The following LIMK2 variants were observed in gnomAD, a reference collection of about 807,000 sequenced individuals.
LIMK2 encodes LIM domain kinase 2.
Under a neutral mutation model 75.7 loss-of-function variants are expected in LIMK2, and 35 were observed. The observed-to-expected ratio is 0.46, with a 90% CI of 0.35 to 0.61. LIMK2 has a LOEUF of 0.61. LIMK2 is among the 20% of genes least tolerant of loss of function. The pLI is 0.00. For synonymous variants in LIMK2, 301 were observed against 319.2 expected, an observed-to-expected ratio of 0.94 and a Z score of 0.61; for missense variants, 623 against 831.0, an observed-to-expected ratio of 0.75 and a Z score of 3.08.
chr22:31,235,239 G>T (rs1352186472), intron 2 of LIMK2, among the ~76,000 whole-genome samples: 3 of 152,148 alleles, frequency 2.0e-5, no homozygotes, highest in African/African-American at 4.8e-5. Context: ...TATGATGTAA[G>T]TCAGGCTTTT....
In LIMK2 at chr22:31,259,287, G is replaced by A. The variant is rs982079126; in HGVS notation, c.362+57G>A. ...CATATAAGAGTGGCTGGCGGGGAGG[G>A]ACAGTGGCAGGGTGAGTTGGGCAGA... On this transcript the variant is annotated intron_variant, in intron 4 of 15. Transcript: ENST00000331728. 9 of 1,098,104 alleles carry A rather than the reference G, an allele frequency of 8.2e-6. No homozygotes were observed. The Middle Eastern group carries it at 1.1e-3, about 138-fold the overall frequency. The allele number at this position is 1,098,104 out of a possible 1,614,324, so 68.0% of individuals were successfully genotyped here.
chr22:31,232,264 A>AC (rs2048536060), intron 2 of LIMK2, among the ~76,000 whole-genome samples: 2 of 151,992 alleles, frequency 1.3e-5, no homozygotes, highest in African/African-American at 2.4e-5. Flanking sequence ...AAAAAAAAAA[A>AC]AAAAACAGTA....
At chr22:31,277,099 A>G in intron 15 of LIMK2, 1 of 1,613,794 alleles carries the variant, frequency 6.2e-7, no homozygotes, top group African/African-American at 1.3e-5. Context: ...GCTGGACAAG[A>G]TCCGGGCCAT....
intron 2 of LIMK2, among the ~76,000 whole-genome samples, chr22:31,244,687 G>A (rs1414232450): frequency 6.6e-6 from 1 of 152,230 alleles, no homozygotes; most frequent in Non-Finnish European, 1.5e-5. Context: ...GACAGAGAGA[G>A]TGACTTGCTA....
In LIMK2 at chr22:31,265,930, C is replaced by CT. The variant is rs1334401564; in HGVS notation, c.855-13dup. Reference sequence around the variant, plus strand: ...GAGGACTACACATCCCTACTCCCGTCTTTCCTCATCTTCAGGCGCAGTAAC... The same window carrying CT: ...GAGGACTACACATCCCTACTCCCGTCTTTTCCTCATCTTCAGGCGCAGTAAC... On this transcript the variant is annotated splice_polypyrimidine_tract_variant and intron_variant, in intron 7 of 15. Coordinates refer to ENST00000331728, the MANE Select transcript of LIMK2 (RefSeq NM_005569.4). 1 of 1,612,908 alleles carries CT rather than the reference C, an allele frequency of 6.2e-7. No individual in the cohort carries two copies.
chr22:31,245,004 A>G (rs1490258951), intron 2 of LIMK2, among the ~76,000 whole-genome samples: 4 of 152,248 alleles, frequency 2.6e-5, no homozygotes, highest in Non-Finnish European at 5.9e-5. Flanking sequence ...GTAAAGAGAA[A>G]AATCACAGCA....
At chr22:31,263,537 A>G (rs1401562449) in intron 7 of LIMK2, among the ~76,000 whole-genome samples, 1 of 152,194 alleles carries the variant, frequency 6.6e-6, no homozygotes, top group Non-Finnish European at 1.5e-5. Flanking sequence ...CATTCTTAGT[A>G]TCACTAAGAA....
intron 1 of LIMK2, chr22:31,222,992 G>A (rs1182715810): frequency 6.6e-6 from 1 of 152,210 alleles, no homozygotes; most frequent in Non-Finnish European, 1.5e-5. Flanking sequence ...GAACAGGGGT[G>A]TCATACCGAG....
chr22:31,239,047 A>G (rs1225362009), intron 2 of LIMK2, among the ~76,000 whole-genome samples: 2 of 152,234 alleles, frequency 1.3e-5, no homozygotes, highest in East Asian at 3.9e-4. Flanking sequence ...GCCCATATAG[A>G]CAAATATCAG....
chr22:31,272,530 G>A lies in LIMK2; in HGVS notation c.1384G>A (p.Asp462Asn), dbSNP rs1284199360. 1 of 1,611,462 alleles carries A rather than the reference G, an allele frequency of 6.2e-7. No homozygotes were observed. The highest frequency in any genetic ancestry group is 1.7e-5 in the Admixed American group (1 of 59,324). ...LNSHNCLIKLDKTVVVADFGL... is the reference protein window; with the variant it reads ...LNSHNCLIKLNKTVVVADFGL... ...CCTGACCTGTCTTTTATCCTACCAGGACAAGACTGTGGTGGTGGCAGACTT... is the reference window on the plus strand; with the variant it reads ...CCTGACCTGTCTTTTATCCTACCAGAACAAGACTGTGGTGGTGGCAGACTT... Residue 462 changes from aspartate (D) to asparagine (N), a missense_variant and splice_region_variant, in exon 13 of 16, where the codon GAC becomes AAC. Asp to Asn is a conservative substitution (Grantham distance 23). This residue lies in a region of LIMK2 where 514 missense variants were observed against 661.3 expected (regional missense o/e 0.78). Coordinates refer to ENST00000331728, the MANE Select transcript of LIMK2 (RefSeq NM_005569.4).
At chr22:31,263,096 G>A (rs2048857189) in intron 7 of LIMK2, among the ~76,000 whole-genome samples, 1 of 152,242 alleles carries the variant, frequency 6.6e-6, no homozygotes, top group Admixed American at 6.5e-5. Flanking sequence ...AGAAAGCATG[G>A]AGCTCAGAGC....
At chr22:31,218,909 T>G (rs2048410205) in intron 1 of LIMK2, among the ~76,000 whole-genome samples, 1 of 152,258 alleles carries the variant, frequency 6.6e-6, no homozygotes. Context: ...GATGTTGATT[T>G]AAGCTAGGCA....
intron 2 of LIMK2, among the ~76,000 whole-genome samples, chr22:31,241,703 G>C (rs995975727): frequency 2.6e-5 from 4 of 152,140 alleles, no homozygotes; most frequent in South Asian, 2.1e-4. Flanking sequence ...CCCATACCAG[G>C]TGTCCACAGA....
chr22:31,213,896 A>G (rs1337806607), intron 1 of LIMK2, among the ~76,000 whole-genome samples: 1 of 150,282 alleles, frequency 6.7e-6, no homozygotes, highest in Non-Finnish European at 1.5e-5. Flanking sequence ...GCTCATTGCA[A>G]CCTCTGCCTC....
intron 2 of LIMK2, among the ~76,000 whole-genome samples, chr22:31,257,766 T>C (rs2048798723): frequency 6.6e-6 from 1 of 152,164 alleles, no homozygotes; most frequent in Admixed American, 6.5e-5. Context: ...ATTTGCCTGA[T>C]TAGTTTTTTT....
chr22:31,256,710 T>G (rs931959026), intron 2 of LIMK2, among the ~76,000 whole-genome samples: 2 of 152,162 alleles, frequency 1.3e-5, no homozygotes, highest in Admixed American at 6.5e-5. Context: ...ATGAGGAAAC[T>G]AGGCCAGAGA....
chr22:31,263,001 C>T (rs2048856468), intron 7 of LIMK2, among the ~76,000 whole-genome samples: 1 of 152,160 alleles, frequency 6.6e-6, no homozygotes. Flanking sequence ...TCCTTAGAAA[C>T]CTGAGAGTCA....
chr22:31,254,125 C>T (rs1458150995), intron 2 of LIMK2, among the ~76,000 whole-genome samples: 1 of 152,220 alleles, frequency 6.6e-6, no homozygotes, highest in East Asian at 1.9e-4. Context: ...GGTGTTCTTC[C>T]CAGCAGGCTG....
At chr22:31,261,021 G>C (rs1311518603) in intron 5 of LIMK2, among the ~76,000 whole-genome samples, 1 of 152,184 alleles carries the variant, frequency 6.6e-6, no homozygotes, top group African/African-American at 2.4e-5. Context: ...AGACTAGTTA[G>C]GAAGCTATTG....
Sources: allele counts gnomAD v4.1 joint callset (sites outside exome capture counted in the v4.1 genomes callset), GRCh38; gene constraint gnomAD v4.1.1; regional missense constraint gnomAD v4.1.1; transcripts MANE v1.5; gene names NCBI Gene and HGNC (gene_info 2026-07-23, HGNC 2026-07-21).